INTS4: variants seen among roughly 807,000 people sequenced by gnomAD.
INTS4 encodes the protein integrator complex subunit 4, also known as MSTP093.
In INTS4, 70 loss-of-function variants were observed where a neutral mutation model predicts 119.5. The observed-to-expected ratio is 0.59, with a 90% CI of 0.48 to 0.71. The LOEUF (loss-of-function observed/expected upper bound fraction) is 0.71. INTS4 is among the 30% of genes least tolerant of loss of function. The pLI, the probability that INTS4 is intolerant of heterozygous loss-of-function variation, is 0.00. For synonymous variants in INTS4, 316 were observed against 419.6 expected (o/e 0.75, Z 3.02); for missense variants, 867 against 1,173.2 (o/e 0.74, Z 3.81).
chr11:77,950,064 G>A (rs561096413), intron 8 of INTS4, among the ~76,000 whole-genome samples: 2 of 152,308 alleles, frequency 1.3e-5, no homozygotes, highest in South Asian at 4.1e-4. Flanking sequence ...CATGTTCTGT[G>A]CAGGGACATG....
At chr11:77,898,971 G>A (rs1056657806) in intron 18 of INTS4, among the ~76,000 whole-genome samples, 1 of 152,208 alleles carries the variant, frequency 6.6e-6, no homozygotes, top group African/African-American at 2.4e-5. Flanking sequence ...AGTGAGTTGA[G>A]ATCGTGCCAC....
intron 14 of INTS4, among the ~76,000 whole-genome samples, chr11:77,919,762 T>C (rs1202751519): frequency 2.0e-5 from 3 of 152,182 alleles, no homozygotes; most frequent in African/African-American, 7.2e-5. Context: ...TTAAGATGGA[T>C]GGGGAGGAGA....
Position 77,981,462 on chromosome 11 carries a change from C to A in INTS4, c.361G>T (p.Glu121Ter). 1 of 1,469,886 alleles carries A rather than the reference C, an allele frequency of 6.8e-7. No individual in the cohort carries two copies. Among genetic ancestry groups the A allele is most frequent in the Non-Finnish European group, 9.2e-7 (1 of 1,082,670 alleles). 91.1% of individuals were successfully genotyped at this position (1,469,886 alleles called of 1,614,324 possible). Reference protein sequence around the residue: ...MDDAINILQNEKSHQVLAQLL... With the variant: ...MDDAINILQN ...GAGCTTTTAAATTGCAACTTACTTT[C>A]ATTCTGCAGGATGTTGATGGCATCA... The change falls in exon 3 of 23, where the codon GAA becomes TAA. Residue 121 changes from glutamate to a stop codon, truncating the protein, a stop_gained. Transcript: ENST00000534064. LOFTEE classifies it high-confidence loss of function.
intron 22 of INTS4, among the ~76,000 whole-genome samples, chr11:77,882,869 G>A (rs192191385): frequency 2.0e-5 from 3 of 152,228 alleles, no homozygotes; most frequent in Non-Finnish European, 4.4e-5. Flanking sequence ...TCAGGAGTTC[G>A]AGACTAGCTT....
At chr11:77,899,743 A>G (rs1952695605) in intron 18 of INTS4, among the ~76,000 whole-genome samples, 2 of 152,136 alleles carry the variant, frequency 1.3e-5, no homozygotes, top group South Asian at 4.1e-4. Flanking sequence ...ATCTTTATAT[A>G]ATGACATGAC....
chr11:77,932,675 C>T (rs1276844958), intron 10 of INTS4, among the ~76,000 whole-genome samples: 1 of 152,094 alleles, frequency 6.6e-6, no homozygotes, highest in African/African-American at 2.4e-5. Context: ...TATTGCAGCA[C>T]TATTCACAAG....
chr11:77,911,078 C>A, intron 15 of INTS4: 1 of 1,287,294 alleles, frequency 7.8e-7, no homozygotes, highest in South Asian at 1.2e-5. Context: ...CACTTCCTCC[C>A]ATCTCATGCT....
chr11:77,972,697 G>A (rs774721881), intron 4 of INTS4, among the ~76,000 whole-genome samples: 3 of 152,012 alleles, frequency 2.0e-5, no homozygotes, highest in African/African-American at 4.8e-5. Flanking sequence ...GATTACAGGC[G>A]TGAGCCACCA....
intron 18 of INTS4, among the ~76,000 whole-genome samples, chr11:77,899,527 G>A (rs543722316): frequency 4.2e-4 from 64 of 151,886 alleles, no homozygotes; most frequent in African/African-American, 1.5e-3. Context: ...AAAATTAGCC[G>A]GGCATGGTGT....
downstream of INTS4, among the ~76,000 whole-genome samples, chr11:77,875,551 G>GA (rs111919170): frequency 8.3e-3 from 1,264 of 152,320 alleles, 16 homozygotes; most frequent in African/African-American, 0.027. Flanking sequence ...CTCCAACAGA[G>GA]AATGTGCTCT....
downstream of INTS4, chr11:77,877,033 T>C (rs1951615821): frequency 4.3e-6 from 3 of 702,988 alleles, no homozygotes; most frequent in African/African-American, 3.5e-5. Context: ...GGCACATCCT[T>C]GAGAGATGCA....
chr11:77,874,971 G>A (rs568153287), downstream of INTS4, among the ~76,000 whole-genome samples: 3 of 152,068 alleles, frequency 2.0e-5, no homozygotes, highest in Non-Finnish European at 2.9e-5. Flanking sequence ...GAACCAGGGC[G>A]GCAGAGCCTG....
In INTS4 at chr11:77,905,576, GAGT is replaced by G. The variant is rs1952924682; in HGVS notation, c.2017-1959_2017-1957del. Among the ~76,000 whole-genome samples, 3 of 152,212 alleles carry G rather than the reference GAGT, an allele frequency of 2.0e-5. No homozygotes were observed. The South Asian group carries it at 6.2e-4, about 32-fold the overall frequency. On this transcript the variant is annotated intron_variant, in intron 16 of 22. Coordinates refer to ENST00000534064, the MANE Select transcript of INTS4 (RefSeq NM_033547.4). ...AATACTGACTTTGTGTATAAGCATT[GAGT>G]GTGTACACAAAATGTTGAAACTTCC...
At position 77,960,984 on chromosome 11, in the gene INTS4, G is replaced by A. The variant is rs1169889018; in HGVS notation, c.626C>T (p.Pro209Leu). ...TTTTATAGCTGCTGTTCTGACACGTGGGTCTTGGTCACTGAAGTAATCCCC... is the reference window on the plus strand; with the variant it reads ...TTTTATAGCTGCTGTTCTGACACGTAGGTCTTGGTCACTGAAGTAATCCCC... Reference protein sequence around the residue: ...IIGDYFSDQDPRVRTAAIKAM... With the variant: ...IIGDYFSDQDLRVRTAAIKAM... The change falls in exon 5 of 23, where the codon CCA (proline) becomes CTA (leucine). Residue 209 changes from proline (P) to leucine (L), a missense_variant. Pro to Leu is a moderately conservative substitution (Grantham distance 98). This residue lies in a region of INTS4 where 208 missense variants were observed against 306.6 expected (regional missense o/e 0.68). Transcript: ENST00000534064. 1.2e-6 allele frequency: 2 copies of A among 1,611,342 alleles called. No individual in the cohort carries two copies. The highest frequency in any genetic ancestry group is 1.7e-5 in the Admixed American group (1 of 59,624).
intron 8 of INTS4, among the ~76,000 whole-genome samples, chr11:77,950,282 G>A (rs915200680): frequency 6.6e-6 from 1 of 152,000 alleles, no homozygotes; most frequent in Non-Finnish European, 1.5e-5. Flanking sequence ...AGGTTGACGG[G>A]TGCAGCAAAC....
chr11:77,945,380 G>A (rs2136537926), intron 8 of INTS4, among the ~76,000 whole-genome samples: 1 of 152,276 alleles, frequency 6.6e-6, no homozygotes, highest in South Asian at 2.1e-4. Context: ...GCACCAAGTT[G>A]AAGCTAGACT....
intron 8 of INTS4, among the ~76,000 whole-genome samples, chr11:77,942,256 C>G (rs2372794): frequency 6.6e-6 from 1 of 152,080 alleles, no homozygotes; most frequent in East Asian, 1.9e-4. Flanking sequence ...AGGAATGATG[C>G]CATGGGAACG....
At chr11:77,979,250 C>T (rs1209122260) in intron 3 of INTS4, 148 bp from the exon 4 acceptor site, 14 of 511,058 alleles carry the variant, frequency 2.7e-5, no homozygotes, top group Admixed American at 1.4e-4. Context: ...GCAGGAGAAT[C>T]CCTTGAGCCC....
chr11:77,897,810 ATTG>A (rs982396602), intron 18 of INTS4, among the ~76,000 whole-genome samples: 20 of 150,764 alleles, frequency 1.3e-4, no homozygotes, highest in Admixed American at 8.6e-4. Context: ...CAGCCATATT[ATTG>A]TTATTATTTT....
Sources: gnomAD v4.1 joint callset for allele counts (sites outside exome capture counted in the v4.1 genomes callset) on GRCh38, gnomAD v4.1.1 for gene constraint, gnomAD v4.1.1 regional missense constraint, MANE v1.5 for transcripts, NCBI Gene and HGNC (gene_info 2026-07-23, HGNC 2026-07-21) for gene names.